Variants in FAAH2 observed in about 807,000 individuals in gnomAD.
FAAH2 encodes fatty-acid amide hydrolase 2.
FAAH2 carries 60 observed loss-of-function variants against 36.9 expected under a neutral mutation model. The ratio of observed to expected loss-of-function variants is 1.63; its 90% CI spans 1.32 to 2.02. FAAH2 has a LOEUF of 2.02. Ranked by LOEUF, FAAH2 falls within the 30% of genes most tolerant of loss-of-function variation. FAAH2 has a pLI of 0.00. For missense variants in FAAH2, 689 were observed against 397.5 expected (o/e 1.73, Z -6.23); for synonymous variants, 214 against 143.8 (o/e 1.49, Z -3.49).
At chrX:57,181,020 G>A in the FAAH2 span, among the ~76,000 whole-genome samples, 1 of 111,516 alleles carries the variant, frequency 9.0e-6, no homozygotes, top group African/African-American at 3.3e-5. Flanking sequence ...CAGAACTAAA[G>A]ACAAAAACCA....
the FAAH2 span, among the ~76,000 whole-genome samples, chrX:57,157,101 G>T: frequency 1.3e-4 from 14 of 111,625 alleles, no homozygotes; most frequent in African/African-American, 4.6e-4. Flanking sequence ...TTTTACTGTG[G>T]CTGAGCTGAT....
At chrX:57,443,082 A>G (rs1046178519) in intron 8 of FAAH2, among the ~76,000 whole-genome samples, 1 of 111,456 alleles carries the variant, frequency 9.0e-6, no homozygotes, top group Non-Finnish European at 1.9e-5. Context: ...TCTCATAATT[A>G]TGTCTCTTAG....
At position 57,407,755 on chromosome X, in the gene FAAH2, A is replaced by C. The variant is rs149538300; in HGVS notation, c.997-24163A>C. On this transcript the variant is annotated intron_variant, in intron 7 of 10. Transcript: ENST00000374900. ...TGCTCCAAACTCGAATCAGAAAGAC[A>C]CTAATTTCCTTGTCTGAGAACTGGC... Among the ~76,000 whole-genome samples the C allele has an allele frequency of 2.1e-3, 240 of 111,947 alleles. 1 individual carries two copies. Among genetic ancestry groups the C allele is most frequent in the African/African-American group, 7.5e-3 (231 of 30,846 alleles).
chrX:57,343,301 A>G (rs2053735844), intron 5 of FAAH2, among the ~76,000 whole-genome samples: 1 of 111,755 alleles, frequency 8.9e-6, no homozygotes, highest in Non-Finnish European at 1.9e-5. Flanking sequence ...GATTTTTTCA[A>G]TGATTGCCAT....
At chrX:57,280,589 T>C in the FAAH2 span, among the ~76,000 whole-genome samples, 1 of 109,257 alleles carries the variant, frequency 9.2e-6, no homozygotes, top group Middle Eastern at 4.7e-3. Context: ...TGAAACTGGA[T>C]GACATATATT....
At chrX:57,356,647 T>G (rs1386466035) in intron 5 of FAAH2, among the ~76,000 whole-genome samples, 1 of 111,137 alleles carries the variant, frequency 9.0e-6, no homozygotes, top group East Asian at 2.8e-4. Flanking sequence ...CTCTTTTTTC[T>G]TAGTCAACCT....
the FAAH2 span, among the ~76,000 whole-genome samples, chrX:57,247,906 A>G: frequency 1.8e-5 from 2 of 112,241 alleles, no homozygotes; most frequent in Admixed American, 1.9e-4. Context: ...GTCTCTTTTT[A>G]CTTGATAAAA....
At chrX:57,234,090 T>A in the FAAH2 span, among the ~76,000 whole-genome samples, 6 of 113,000 alleles carry the variant, frequency 5.3e-5, no homozygotes, top group Non-Finnish European at 9.4e-5. Flanking sequence ...TGTGAAAAAA[T>A]TTATTGTTCA....
At chrX:57,460,597 A>G (rs1222886896) in intron 10 of FAAH2, among the ~76,000 whole-genome samples, 3 of 111,817 alleles carry the variant, frequency 2.7e-5, no homozygotes, top group Non-Finnish European at 3.8e-5. Context: ...AGACAAGCAA[A>G]TGCTCAGGGA....
the FAAH2 span, among the ~76,000 whole-genome samples, chrX:57,201,466 C>G: frequency 9.0e-6 from 1 of 110,531 alleles, no homozygotes; most frequent in Non-Finnish European, 1.9e-5. Flanking sequence ...CTGCTACACA[C>G]ATTATATCTC....
At chrX:57,187,191 C>G in the FAAH2 span, among the ~76,000 whole-genome samples, 3 of 111,636 alleles carry the variant, frequency 2.7e-5, no homozygotes, top group Non-Finnish European at 5.7e-5. Flanking sequence ...TTGTTTCTAT[C>G]CATGAACATC....
chrX:57,359,915 T>C (rs1373847023), intron 5 of FAAH2, among the ~76,000 whole-genome samples: 1 of 111,062 alleles, frequency 9.0e-6, no homozygotes, highest in Non-Finnish European at 1.9e-5. Flanking sequence ...TCTTAATTTT[T>C]CCTTCAGTTT....
At chrX:57,456,804 A>T (rs755709010) in intron 10 of FAAH2, among the ~76,000 whole-genome samples, 1 of 111,429 alleles carries the variant, frequency 9.0e-6, no homozygotes, top group African/African-American at 3.3e-5. Flanking sequence ...CTAATAAAAA[A>T]ACTTACCAAC....
At chrX:57,395,416 T>C in intron 7 of FAAH2, 1 of 697,850 alleles carries the variant, frequency 1.4e-6, no homozygotes, top group East Asian at 3.8e-5. Context: ...CCATGGCCTT[T>C]ATTAGTCTGC....
chrX:57,149,409 C>G, the FAAH2 span, among the ~76,000 whole-genome samples: 2 of 111,473 alleles, frequency 1.8e-5, no homozygotes, highest in Non-Finnish European at 3.8e-5. Flanking sequence ...GGTTGGTAAG[C>G]TATTGATTAT....
rs1307684946 is a variant in FAAH2, at chrX:57,387,588, T to C, written c.996+6559T>C. 2.7e-5 allele frequency among the ~76,000 whole-genome samples: 3 copies of C among 111,245 alleles called. No homozygotes were observed. In the Admixed American group the frequency reaches 2.9e-4, roughly 11 times the overall value. ...CAGAACTTTACTAAGAGTCCTAAAATGAGTTTTGAATAAAAAAAGAAACTT... is the reference window on the plus strand; with the variant it reads ...CAGAACTTTACTAAGAGTCCTAAAACGAGTTTTGAATAAAAAAAGAAACTT... On this transcript the variant is annotated intron_variant, in intron 7 of 10. Transcript: ENST00000374900.
the FAAH2 span, among the ~76,000 whole-genome samples, chrX:57,220,792 C>T: frequency 2.7e-5 from 3 of 111,734 alleles, no homozygotes; most frequent in Non-Finnish European, 5.6e-5. Context: ...ATGCCCCTCT[C>T]TGCGGAGAAC....
intron 5 of FAAH2, among the ~76,000 whole-genome samples, chrX:57,367,754 G>T (rs1003052802): frequency 1.8e-5 from 2 of 111,621 alleles, no homozygotes; most frequent in Non-Finnish European, 3.8e-5. Flanking sequence ...TAAGAAGGAG[G>T]TTTCTAACAG....
the FAAH2 span, among the ~76,000 whole-genome samples, chrX:57,161,025 C>T: frequency 8.9e-6 from 1 of 111,981 alleles, no homozygotes; most frequent in South Asian, 3.7e-4. Flanking sequence ...CTACACACTG[C>T]TTTGAATGTG....
Sources: allele counts gnomAD v4.1 joint callset (sites outside exome capture counted in the v4.1 genomes callset), GRCh38; gene constraint gnomAD v4.1.1; transcripts MANE v1.5; gene names NCBI Gene and HGNC (gene_info 2026-07-23, HGNC 2026-07-21).